The following TRPM2 variants were observed in gnomAD, a reference collection of about 807,000 sequenced individuals.
TRPM2 encodes estrogen-responsive element-associated gene 1 protein.
Under a neutral mutation model 174.0 loss-of-function variants are expected in TRPM2, and 161 were observed. The observed-to-expected ratio is 0.93, with a 90% CI of 0.81 to 1.05. The LOEUF (loss-of-function observed/expected upper bound fraction) is 1.05, where lower values mean the gene tolerates loss of function less well. Among genes scored for constraint, TRPM2 ranks in the 50% least tolerant of loss-of-function variants. The probability of loss-of-function intolerance (pLI) is 0.00; values close to 1 mark genes in which losing one functional copy is unlikely to be tolerated. For missense variants in TRPM2, 2,057 were observed against 2,038.0 expected (o/e 1.01, Z -0.18); for synonymous variants, 954 against 861.3 (o/e 1.11, Z -1.88).
intron 9 of TRPM2, 70 bp downstream of exon 9, chr21:44,382,890 A>G: frequency 7.2e-7 from 1 of 1,383,578 alleles, no homozygotes; most frequent in Non-Finnish European, 1.0e-6. Flanking sequence ...GCCAAGTTCT[A>G]GTCTTGAAGT....
intron 19 of TRPM2, among the ~76,000 whole-genome samples, chr21:44,408,291 A>G (rs2049974043): frequency 6.6e-6 from 1 of 151,936 alleles, no homozygotes; most frequent in Non-Finnish European, 1.5e-5. Flanking sequence ...ATGAACAGTT[A>G]TTTACAGGGT....
intron 18 of TRPM2, among the ~76,000 whole-genome samples, chr21:44,406,319 C>T (rs949769206): frequency 6.7e-6 from 1 of 149,378 alleles, no homozygotes; most frequent in Non-Finnish European, 1.5e-5. Flanking sequence ...TTATGTCTGA[C>T]CGCACTCATT....
At chr21:44,435,713 A>C (rs1461333361) in intron 28 of TRPM2, among the ~76,000 whole-genome samples, 1 of 117,650 alleles carries the variant, frequency 8.5e-6, no homozygotes. Flanking sequence ...TTCCACACCC[A>C]TCCACGGGGA....
chr21:44,435,016 T>C (rs1324087270), intron 27 of TRPM2, 115 bp from the exon 28 acceptor site: 1 of 973,272 alleles, frequency 1.0e-6, no homozygotes, highest in Non-Finnish European at 1.6e-6. Flanking sequence ...GCCTGCATGC[T>C]GTCCCGCTGT....
rs1285581646 is a variant in TRPM2, at chr21:44,399,465, A to G, written c.2208+24A>G. ...AGGTGACCTCCCAAGAGCCCCTTCC[A>G]GAAACAGACGCCTGTGGTGCCTGCA... On this transcript the variant is annotated intron_variant, in intron 14 of 31. Transcript: ENST00000397928. The surrounding 1 kb of genome is among the most constrained non-coding windows in gnomAD (Gnocchi z 4.6). 6.2e-7 allele frequency: 1 copy of G among 1,601,798 alleles called. No individual in the cohort carries two copies. The highest frequency in any genetic ancestry group is 1.3e-5 in the African/African-American group (1 of 74,778).
rs1388769520 is a variant in TRPM2, at chr21:44,395,679, G to GAGGGGTGTGGAAGCTGTGA, written c.1932+139_1932+140insAGCTGTGAAGGGGTGTGGA. 1.8e-4 allele frequency: 84 copies of GAGGGGTGTGGAAGCTGTGA among 472,660 alleles called. 33 individuals carry two copies. The highest frequency in any genetic ancestry group is 8.3e-4 in the African/African-American group (11 of 13,266). The allele number at this position is 472,660 out of a possible 1,614,324, so 29.3% of individuals were successfully genotyped here. The stretch of plus-strand genomic sequence containing the variant: ...CACGTGGAGGCTGTGGAGGGGTGTG[G>GAGGGGTGTGGAAGCTGTGA]AGGGGTGTGGAGGGCTGTGGAGGAT... On this transcript the variant is annotated intron_variant, in intron 12 of 31. Transcript: ENST00000397928.
intron 27 of TRPM2, among the ~76,000 whole-genome samples, chr21:44,431,447 A>G (rs993124733): frequency 1.3e-5 from 2 of 151,798 alleles, no homozygotes; most frequent in African/African-American, 4.8e-5. Flanking sequence ...CATAGTCTTC[A>G]TTTGATTGTT....
At chr21:44,371,784 T>C (rs2048548924) in intron 5 of TRPM2, among the ~76,000 whole-genome samples, 1 of 152,168 alleles carries the variant, frequency 6.6e-6, no homozygotes, top group Non-Finnish European at 1.5e-5. Context: ...ACTGCGGTCC[T>C]CCCTCTGACC....
At chr21:44,406,852 G>A (rs2049902138) in intron 19 of TRPM2, 87 bp downstream of exon 19, 34 of 1,492,530 alleles carry the variant, frequency 2.3e-5, no homozygotes, top group Non-Finnish European at 3.0e-5. Context: ...TGGGAGTGAG[G>A]CCGGCTCCAT....
chr21:44,362,187 T>G lies in TRPM2; in HGVS notation c.255-1927T>G, dbSNP rs561140104. Among the ~76,000 whole-genome samples, 5 of 152,176 alleles carry G rather than the reference T, an allele frequency of 3.3e-5. No homozygotes were observed. In the East Asian group the frequency reaches 5.8e-4, roughly 18 times the overall value. ...TCCCCTTCTTAATCTATAATATAAT[T>G]GCTTGAAATATTTCTTCTACATATA... On this transcript the variant is annotated intron_variant, in intron 2 of 31. Coordinates refer to ENST00000397928, the MANE Select transcript of TRPM2 (RefSeq NM_003307.4).
At chr21:44,418,182 C>T in intron 21 of TRPM2, 74 bp downstream of exon 21, 1 of 1,539,902 alleles carries the variant, frequency 6.5e-7, no homozygotes, top group Non-Finnish European at 8.8e-7. Flanking sequence ...GGCATGGCAG[C>T]TCTGCCCAGA....
chr21:44,423,724 G>A lies in TRPM2; in HGVS notation c.3541G>A (p.Glu1181Lys). ...CATGGAGCAGAGGTTGGCCTCCCTG[G>A]AGGAGCAGGTGGGTCCGAGGTCGGG... is the stretch of plus-strand genomic sequence containing the variant. ...GSMEQRLASL[E>K]EQVAQTAQAL... Residue 1181 changes from glutamate (E) to lysine (K), a missense_variant, in exon 23 of 32, where the codon GAG becomes AAG. Glu to Lys is a moderately conservative substitution (Grantham distance 56, BLOSUM62 1). Coordinates refer to ENST00000397928, the MANE Select transcript of TRPM2 (RefSeq NM_003307.4). 1 of 1,607,906 alleles carries A rather than the reference G, an allele frequency of 6.2e-7. No individual in the cohort carries two copies. The highest frequency in any genetic ancestry group is 8.5e-7 in the Non-Finnish European group (1 of 1,178,448).
intron 9 of TRPM2, among the ~76,000 whole-genome samples, chr21:44,387,387 A>G (rs1392021970): frequency 6.6e-6 from 1 of 152,266 alleles, no homozygotes; most frequent in Non-Finnish European, 1.5e-5. Context: ...ACCTAACACC[A>G]TATACAAAAA....
At chr21:44,402,013 G>A in intron 16 of TRPM2, 116 bp downstream of exon 16, 8 of 1,191,492 alleles carry the variant, frequency 6.7e-6, no homozygotes, top group Non-Finnish European at 9.7e-6. Context: ...CTCCCTGCAA[G>A]CTGAGCAGAG....
intron 2 of TRPM2, among the ~76,000 whole-genome samples, chr21:44,357,112 G>A (rs1257935705): frequency 6.6e-6 from 1 of 152,120 alleles, no homozygotes; most frequent in Non-Finnish European, 1.5e-5. Flanking sequence ...TGCCTTAACC[G>A]TCTGGGAAGG....
chr21:44,369,317 C>G lies in TRPM2; in HGVS notation c.745C>G (p.Arg249Gly), dbSNP rs767777511. 16 of 1,613,088 alleles carry G rather than the reference C, an allele frequency of 9.9e-6. No homozygotes were observed. The Admixed American group carries it at 1.2e-4, about 12-fold the overall frequency. Residue 249 changes from arginine (R) to glycine (G), a missense_variant, in exon 5 of 32, where the codon CGC (arginine) becomes GGC (glycine). Arg to Gly is a moderately radical substitution (Grantham distance 125, BLOSUM62 -2). Transcript: ENST00000397928. Reference sequence around the variant, plus strand: ...AGTCGCCACCTGGGGCACTGTCCACCGCCGCGAGGGCCTGATCCATCCCAC... The same window carrying G: ...AGTCGCCACCTGGGGCACTGTCCACGGCCGCGAGGGCCTGATCCATCCCAC... ...IGVATWGTVH[R>G]REGLIHPTGS...
Position 44,439,319 on chromosome 21 carries a change from C to T in TRPM2, c.4269+151C>T. The T allele has an allele frequency of 1.5e-6, 1 of 656,876 alleles. No homozygotes were observed. The highest frequency in any genetic ancestry group is 2.8e-5 in the East Asian group (1 of 35,154). The allele number at this position is 656,876 out of a possible 1,614,324, so 40.7% of individuals were successfully genotyped here. On this transcript the variant is annotated intron_variant, in intron 30 of 31. Transcript: ENST00000397928. The surrounding 1 kb of genome is among the most constrained non-coding windows in gnomAD (Gnocchi z 5.1). ...TGACGGTGGTCCCAGCCCCTGCCCCCACGTTGCACAGCTCCCAGAGGACCC... is the reference window on the plus strand; with the variant it reads ...TGACGGTGGTCCCAGCCCCTGCCCCTACGTTGCACAGCTCCCAGAGGACCC...
At chr21:44,357,110 C>A (rs2048082934) in intron 2 of TRPM2, among the ~76,000 whole-genome samples, 2 of 152,170 alleles carry the variant, frequency 1.3e-5, no homozygotes, top group South Asian at 2.1e-4. Context: ...AATGCCTTAA[C>A]CGTCTGGGAA....
intron 22 of TRPM2, chr21:44,423,416 CCATGTGAGCCTCGGCTGT>C: frequency 1.9e-6 from 1 of 523,836 alleles, no homozygotes; most frequent in Non-Finnish European, 3.5e-6. Flanking sequence ...CCAGAGCTTG[CCATGTGAGCCTCGGCTGT>C]CCGTCTGCTG....
Sources: allele counts gnomAD v4.1 joint callset (sites outside exome capture counted in the v4.1 genomes callset), GRCh38; gene constraint gnomAD v4.1.1; non-coding constraint Gnocchi (gnomAD v3.1); transcripts MANE v1.5; gene names NCBI Gene and HGNC (gene_info 2026-07-23, HGNC 2026-07-21).